The following ZNF23 variants were observed in gnomAD, a reference collection of about 807,000 sequenced individuals.
ZNF23 encodes the protein zinc finger protein 23.
Under a neutral mutation model 56.2 loss-of-function variants are expected in ZNF23, and 48 were observed. That is an observed-to-expected ratio of 0.85 (90% CI 0.68 to 1.09). ZNF23 has a LOEUF of 1.09. Among genes scored for constraint, ZNF23 ranks in the 50% least tolerant of loss-of-function variants. The probability of loss-of-function intolerance (pLI) is 0.00; values close to 1 mark genes in which losing one functional copy is unlikely to be tolerated. For synonymous variants in ZNF23, 266 were observed against 283.3 expected (o/e 0.94, Z 0.61); for missense variants, 805 against 811.4 (o/e 0.99, Z 0.10).
In ZNF23 at chr16:71,456,760, T is replaced by G; in HGVS notation, c.33+4A>C. On this transcript the variant is annotated splice_donor_region_variant and intron_variant, in intron 2 of 4. Transcript: ENST00000647773. ...AGGAAGAGCTGAAGGACCCCACAGC[T>G]CACCTGGGGCCAGGCTGTCAGGTGC... 2 of 985,928 alleles carry G rather than the reference T, an allele frequency of 2.0e-6. No individual in the cohort carries two copies. The highest frequency in any genetic ancestry group is 2.4e-6 in the Non-Finnish European group (2 of 830,054). The allele number at this position is 985,928 out of a possible 1,614,324, so 61.1% of individuals were successfully genotyped here.
chr16:71,448,004 C>A lies in ZNF23; in HGVS notation c.*89G>T. On this transcript the variant is annotated 3_prime_UTR_variant, in exon 5 of 5. Transcript: ENST00000647773. ...ATATGAAGACTCTGCCATATTCATGCCCTCTTGGAGGTTTTTCAATGGATG... is the reference window on the plus strand; with the variant it reads ...ATATGAAGACTCTGCCATATTCATGACCTCTTGGAGGTTTTTCAATGGATG... 1 of 1,050,346 alleles carries A rather than the reference C, an allele frequency of 9.5e-7. No individual in the cohort carries two copies. Among genetic ancestry groups the A allele is most frequent in the Non-Finnish European group, 1.4e-6 (1 of 736,626 alleles). 65.1% of individuals were successfully genotyped at this position (1,050,346 alleles called of 1,614,324 possible).
chr16:71,459,707 C>A (rs1223638779), intron 1 of ZNF23, among the ~76,000 whole-genome samples: 1 of 152,154 alleles, frequency 6.6e-6, no homozygotes, highest in Non-Finnish European at 1.5e-5. Context: ...TCTGTTTTGT[C>A]TCTGACCTAG....
intron 1 of ZNF23, among the ~76,000 whole-genome samples, chr16:71,460,972 G>C (rs572013218): frequency 1.3e-5 from 2 of 152,052 alleles, no homozygotes; most frequent in African/African-American, 2.4e-5. Context: ...GCTACACACA[G>C]AATGAATTTG....
intron 1 of ZNF23, among the ~76,000 whole-genome samples, chr16:71,457,346 C>G (rs1435271074): frequency 6.6e-6 from 1 of 152,138 alleles, no homozygotes; most frequent in East Asian, 1.9e-4. Context: ...GGGTGGATCA[C>G]AAGGTCAGGA....
chr16:71,450,697 C>T lies in ZNF23; in HGVS notation c.269-812G>A, dbSNP rs559124145. The T allele has an allele frequency of 1.5e-3, 649 of 419,570 alleles. 7 individuals are homozygous for T. Among genetic ancestry groups the T allele is most frequent in the South Asian group, 9.7e-3 (583 of 60,206 alleles). The allele number at this position is 419,570 out of a possible 1,614,324, so 26.0% of individuals were successfully genotyped here. A position where few individuals can be genotyped will look rare whatever the true frequency, so the allele number is the denominator to read the frequency against. ...TCTTGCCACTGCACTCCAGTTTGGG[C>T]GACAGAGCGAGACTCCATCTCAAAA... On this transcript the variant is annotated intron_variant, in intron 4 of 4. Coordinates refer to ENST00000647773, the MANE Select transcript of ZNF23 (RefSeq NM_001381984.1).
chr16:71,459,778 G>A (rs527485010), intron 1 of ZNF23, among the ~76,000 whole-genome samples: 20 of 152,196 alleles, frequency 1.3e-4, no homozygotes, highest in African/African-American at 4.1e-4. Context: ...TGGCTTTATT[G>A]CATGATGGTT....
chr16:71,462,040 A>C (rs1479023354), intron 1 of ZNF23, 170 bp downstream of exon 1: 1 of 152,340 alleles, frequency 6.6e-6, no homozygotes, highest in Non-Finnish European at 1.5e-5. Flanking sequence ...GGAGTCGAGG[A>C]GCGCGGAAGA....
At chr16:71,456,410 G>C (rs1004373542) in intron 2 of ZNF23, among the ~76,000 whole-genome samples, 2 of 152,036 alleles carry the variant, frequency 1.3e-5, no homozygotes, top group Admixed American at 6.5e-5. Flanking sequence ...ACCACAGATA[G>C]TCCAATCCTC....
chr16:71,459,352 AG>A (rs1329228561), intron 1 of ZNF23, among the ~76,000 whole-genome samples: 2 of 152,366 alleles, frequency 1.3e-5, no homozygotes, highest in East Asian at 3.9e-4. Flanking sequence ...ACGCCCTGCA[AG>A]GCAGAGCCTG....
At chr16:71,453,994 G>C in intron 3 of ZNF23, 48 bp downstream of exon 3, 1 of 1,607,638 alleles carries the variant, frequency 6.2e-7, no homozygotes, top group Non-Finnish European at 8.5e-7. Flanking sequence ...AAGCAAGCCA[G>C]GAACCCCAAT....
At chr16:71,459,966 G>A (rs2043381255) in intron 1 of ZNF23, among the ~76,000 whole-genome samples, 1 of 152,182 alleles carries the variant, frequency 6.6e-6, no homozygotes, top group Non-Finnish European at 1.5e-5. Context: ...TATGTAGTGT[G>A]ATAGCTACCC....
In ZNF23 at chr16:71,448,321, G is replaced by A; in HGVS notation, c.1833C>T (p.Ala611=). ...KPFQCKECGK[A]FHVNAHLIRH... The stretch of plus-strand genomic sequence containing the variant: ...GAATTAAATGGGCATTAACATGGAA[G>A]GCTTTTCCACACTCCTTACACTGAA... The change falls in exon 5 of 5, where the codon GCC becomes GCT. Residue 611 remains alanine, a synonymous_variant. Coordinates refer to ENST00000647773, the MANE Select transcript of ZNF23 (RefSeq NM_001381984.1). 1 of 1,614,084 alleles carries A rather than the reference G, an allele frequency of 6.2e-7. No individual in the cohort carries two copies. The highest frequency in any genetic ancestry group is 8.5e-7 in the Non-Finnish European group (1 of 1,180,004).
In ZNF23 at chr16:71,449,461, C is replaced by T; in HGVS notation, c.693G>A (p.Glu231=). ...GATAAGGCTTTTCCTCAGTGTTGTT[C>T]TCTTGATGTTGAATAAGTTGAGAGT... The part of the protein sequence containing the change: ...RCDSQLIQHQ[E]NNTEEKPYQC... The change falls in exon 5 of 5, where the codon GAG becomes GAA. Residue 231 remains glutamate (E), a synonymous_variant. Transcript: ENST00000647773. The T allele has an allele frequency of 1.2e-6, 2 of 1,614,164 alleles. No homozygotes were observed. The highest frequency in any genetic ancestry group is 1.7e-6 in the Non-Finnish European group (2 of 1,180,026).
At chr16:71,453,147 T>C in intron 4 of ZNF23, 96 bp downstream of exon 4, 1 of 815,908 alleles carries the variant, frequency 1.2e-6, no homozygotes, top group Admixed American at 2.2e-5. Context: ...TCTGTATGAC[T>C]GGCCAATAAA....
chr16:71,453,267 T>C lies in ZNF23; in HGVS notation c.244A>G (p.Thr82Ala), dbSNP rs2043115113. 2 of 1,608,772 alleles carry C rather than the reference T, an allele frequency of 1.2e-6. No individual in the cohort carries two copies. The highest frequency in any genetic ancestry group is 1.7e-5 in the Admixed American group (1 of 59,560). The change falls in exon 4 of 5, where the codon ACA becomes GCA. Residue 82 changes from threonine to alanine, a missense_variant. Transcript: ENST00000647773. ...CCAGTCTGGAGGCCCTGGAGGCCTG[T>C]TCCTGCAGCCAGTGGAGATGAGCCC... ...LGGSSPLAAG[T>A]GLQGLQTVDI...
chr16:71,453,270 C>A lies in ZNF23; in HGVS notation c.241G>T (p.Gly81Ter). Residue 81 changes from glycine (G) to a stop codon, truncating the protein, a stop_gained, in exon 4 of 5, where the codon GGA becomes TGA. Transcript: ENST00000647773. LOFTEE classifies it high-confidence loss of function. The part of the protein sequence containing the change: ...ELGGSSPLAA[G>*]TGLQGLQTVD... ...GTCTGGAGGCCCTGGAGGCCTGTTCCTGCAGCCAGTGGAGATGAGCCCCCC... is the reference window on the plus strand; with the variant it reads ...GTCTGGAGGCCCTGGAGGCCTGTTCATGCAGCCAGTGGAGATGAGCCCCCC... The A allele has an allele frequency of 6.2e-7, 1 of 1,609,004 alleles. No homozygotes were observed.
chr16:71,450,085 G>C (rs2043002177), intron 4 of ZNF23, 200 bp from the exon 5 acceptor site: 1 of 432,326 alleles, frequency 2.3e-6, no homozygotes, highest in African/African-American at 2.0e-5. Flanking sequence ...CATATATGCT[G>C]ACGTAAAAAG....
chr16:71,449,348 C>T lies in ZNF23; in HGVS notation c.806G>A (p.Cys269Tyr). ...RLHSGEKPFK[C>Y]VECGKSFSYS... ...GCTGAAGCTTTTCCCACACTCCACA[C>T]ATTTGAAGGGTTTCTCCCCACTGTG... Residue 269 changes from cysteine (C) to tyrosine (Y), a missense_variant, in exon 5 of 5, where the codon TGT (cysteine) becomes TAT (tyrosine). By Grantham distance (194) the Cys-to-Tyr change is radical. Transcript: ENST00000647773. 6.2e-7 allele frequency: 1 copy of T among 1,614,230 alleles called. No homozygotes were observed. The highest frequency in any genetic ancestry group is 8.5e-7 in the Non-Finnish European group (1 of 1,180,042).
chr16:71,460,666 ATGAG>A (rs1224531066), intron 1 of ZNF23, among the ~76,000 whole-genome samples: 2 of 152,222 alleles, frequency 1.3e-5, no homozygotes, highest in Non-Finnish European at 1.5e-5. Context: ...TAAATACATC[ATGAG>A]TAAGTAGGAT....
Sources: gnomAD v4.1 joint callset for allele counts (sites outside exome capture counted in the v4.1 genomes callset) on GRCh38, gnomAD v4.1.1 for gene constraint, MANE v1.5 for transcripts, NCBI Gene and HGNC (gene_info 2026-07-23, HGNC 2026-07-21) for gene names.